The following MGAT5 variants were observed in gnomAD, a reference collection of about 807,000 sequenced individuals.
MGAT5 encodes alpha-1,6-mannosylglycoprotein 6-beta-N-acetylglucosaminyltransferase A.
Under a neutral mutation model 94.3 loss-of-function variants are expected in MGAT5, and 30 were observed. That is an observed-to-expected ratio of 0.32 (90% confidence interval 0.24 to 0.43). The LOEUF (loss-of-function observed/expected upper bound fraction) is 0.43, where lower values mean the gene tolerates loss of function less well. Ranked by LOEUF, MGAT5 falls within the 20% of genes least tolerant of loss-of-function variation. MGAT5 has a pLI of 1.00. For synonymous variants in MGAT5, 310 were observed against 322.9 expected, an observed-to-expected ratio of 0.96 and a Z score of 0.43; for missense variants, 691 against 905.5, an observed-to-expected ratio of 0.76 and a Z score of 3.04.
At chr2:134,442,202 A>G (rs887738881) in intron 15 of MGAT5, among the ~76,000 whole-genome samples, 19 of 152,154 alleles carry the variant, frequency 1.2e-4, no homozygotes, top group African/African-American at 4.3e-4. Flanking sequence ...AGATTGTGGG[A>G]GGTGTTCGGC....
rs529054065 is a variant in MGAT5, at chr2:134,441,416, G to A, written c.1870-342G>A. On this transcript the variant is annotated intron_variant, in intron 14 of 15. Coordinates refer to ENST00000281923, the MANE Select transcript of MGAT5 (RefSeq NM_002410.5). ...AGCAGAGGCTCTAAATAGCCTGGCT[G>A]CATAAGTGTTGATGGTGATGATTGA... Among the ~76,000 whole-genome samples the A allele has an allele frequency of 9.2e-4, 140 of 152,372 alleles. 1 individual carries two copies. Among genetic ancestry groups the A allele is most frequent in the Admixed American group, 4.0e-3 (61 of 15,312 alleles).
intron 1 of MGAT5, among the ~76,000 whole-genome samples, chr2:134,122,676 CT>C (rs1368972090): frequency 6.6e-6 from 1 of 152,212 alleles, no homozygotes; most frequent in Non-Finnish European, 1.5e-5. Context: ...AGGGTTTGGG[CT>C]TTTTCTTTCA....
Position 134,377,088 on chromosome 2 carries a change from G to C in MGAT5, c.1380+14680G>C, listed in dbSNP as rs142509701. On this transcript the variant is annotated intron_variant, in intron 10 of 15. Coordinates refer to ENST00000281923, the MANE Select transcript of MGAT5 (RefSeq NM_002410.5). ...TTTGCAAACTGTCACAAGCTAGTCA[G>C]CTATGTCTGGGAACCTGTTTGGATA... Among the ~76,000 whole-genome samples the C allele has an allele frequency of 3.2e-3, 483 of 152,364 alleles. 14 individuals carry two copies. Among genetic ancestry groups the C allele is most frequent in the Admixed American group, 0.027 (409 of 15,310 alleles).
intron 2 of MGAT5, among the ~76,000 whole-genome samples, chr2:134,279,796 A>G (rs756110501): frequency 6.6e-6 from 1 of 152,212 alleles, no homozygotes; most frequent in African/African-American, 2.4e-5. Flanking sequence ...CAGCTTACAT[A>G]TGGTATTGAT....
At chr2:134,212,711 G>A (rs968750341) in intron 1 of MGAT5, among the ~76,000 whole-genome samples, 6 of 152,198 alleles carry the variant, frequency 3.9e-5, no homozygotes, top group Non-Finnish European at 5.9e-5. Flanking sequence ...ATCAAGAATC[G>A]AGTTTTCCAT....
At position 134,417,131 on chromosome 2, in the gene MGAT5, T is replaced by C. The variant is rs550316359; in HGVS notation, c.1677+4116T>C. Among the ~76,000 whole-genome samples, 42 of 152,282 alleles carry C rather than the reference T, an allele frequency of 2.8e-4. No homozygotes were observed. In the South Asian group the frequency reaches 6.8e-3, roughly 25 times the overall value. On this transcript the variant is annotated intron_variant, in intron 12 of 15. Transcript: ENST00000281923. ...TATTTTGAGTCTCTGCTTTCAATAC[T>C]TTGAGGAATGTACCTACAAGTAGAC... is the stretch of plus-strand genomic sequence containing the variant.
At chr2:134,291,695 T>TCATTA (rs1203449530) in intron 2 of MGAT5, among the ~76,000 whole-genome samples, 1 of 152,194 alleles carries the variant, frequency 6.6e-6, no homozygotes, top group African/African-American at 2.4e-5. Context: ...ACATATGGAC[T>TCATTA]CAGGTTGAGA....
chr2:134,321,794 G>T (rs1044567489), intron 4 of MGAT5, among the ~76,000 whole-genome samples: 2 of 152,114 alleles, frequency 1.3e-5, no homozygotes, highest in African/African-American at 4.8e-5. Context: ...TTGACACCAC[G>T]TTATGTGTTA....
chr2:134,127,720 G>A (rs923872113), intron 1 of MGAT5, among the ~76,000 whole-genome samples: 3 of 151,960 alleles, frequency 2.0e-5, no homozygotes, highest in Admixed American at 2.0e-4. Flanking sequence ...CATGTGGGCC[G>A]ATTCTGTGGT....
At chr2:134,374,329 G>T (rs1291513995) in intron 10 of MGAT5, among the ~76,000 whole-genome samples, 2 of 152,130 alleles carry the variant, frequency 1.3e-5, no homozygotes, top group African/African-American at 4.8e-5. Context: ...AAAATCATGA[G>T]ATTTACCCTG....
At chr2:134,359,929 C>T (rs546859490) in intron 9 of MGAT5, among the ~76,000 whole-genome samples, 2 of 152,206 alleles carry the variant, frequency 1.3e-5, no homozygotes, top group Non-Finnish European at 2.9e-5. Flanking sequence ...CCTGCTGGGG[C>T]GAGTCATGGC....
chr2:134,132,553 C>A (rs567981262), intron 1 of MGAT5, among the ~76,000 whole-genome samples: 1 of 152,386 alleles, frequency 6.6e-6, no homozygotes, highest in African/African-American at 2.4e-5. Flanking sequence ...GTTTTATTGG[C>A]ACATACCCAA....
intron 2 of MGAT5, among the ~76,000 whole-genome samples, chr2:134,284,586 C>CAA (rs139485570): frequency 0.023 from 3,349 of 143,538 alleles, 92 homozygotes; most frequent in East Asian, 0.079. Flanking sequence ...TAAAATAGAG[C>CAA]AAAAAAAAAA....
intron 2 of MGAT5, among the ~76,000 whole-genome samples, chr2:134,290,957 G>A (rs530381665): frequency 4.6e-5 from 7 of 152,244 alleles, no homozygotes; most frequent in South Asian, 2.1e-4. Context: ...TGCCAGAAAC[G>A]TAATGCAAAA....
At chr2:134,389,774 A>C (rs951786308) in intron 10 of MGAT5, among the ~76,000 whole-genome samples, 2 of 152,256 alleles carry the variant, frequency 1.3e-5, no homozygotes, top group Admixed American at 6.5e-5. Flanking sequence ...GAGAGAAACT[A>C]TGTGGTCCTG....
chr2:134,237,638 TGA>T (rs1681719129), intron 1 of MGAT5, among the ~76,000 whole-genome samples: 1 of 122,464 alleles, frequency 8.2e-6, no homozygotes, highest in Non-Finnish European at 1.8e-5. Context: ...TTTTTTTTTT[TGA>T]GATGGAGTCT....
chr2:134,443,439 G>A (rs1185225741), intron 15 of MGAT5, among the ~76,000 whole-genome samples: 1 of 152,152 alleles, frequency 6.6e-6, no homozygotes, highest in African/African-American at 2.4e-5. Flanking sequence ...TGATCTGCCC[G>A]CCTAGGCCTC....
chr2:134,250,382 ATCT>A (rs1278412033), upstream of MGAT5, among the ~76,000 whole-genome samples: 1 of 152,222 alleles, frequency 6.6e-6, no homozygotes, highest in East Asian at 1.9e-4. Flanking sequence ...GGAGGTAGGC[ATCT>A]TCTTAGCTCC....
chr2:134,306,802 T>G (rs1158859822), intron 2 of MGAT5, among the ~76,000 whole-genome samples: 2 of 152,180 alleles, frequency 1.3e-5, no homozygotes, highest in African/African-American at 2.4e-5. Context: ...GGCAGAGAGA[T>G]AATCCCAGCT....
Sources: gnomAD v4.1 joint callset for allele counts (sites outside exome capture counted in the v4.1 genomes callset) on GRCh38, gnomAD v4.1.1 for gene constraint, MANE v1.5 for transcripts, NCBI Gene and HGNC (gene_info 2026-07-23, HGNC 2026-07-21) for gene names.